KMT2E: variants seen among roughly 807,000 people sequenced by gnomAD.
KMT2E encodes histone reader KMT2E.
In KMT2E, 30 loss-of-function variants were observed where a neutral mutation model predicts 184.6. The ratio of observed to expected loss-of-function variants is 0.16; its 90% confidence interval spans 0.12 to 0.22. The LOEUF is 0.22. KMT2E is among the 10% of genes least tolerant of loss of function. The pLI is 1.00. For missense variants in KMT2E, 2,023 were observed against 2,237.4 expected, an observed-to-expected ratio of 0.90 and a Z score of 1.93; for synonymous variants, 815 against 776.5, an observed-to-expected ratio of 1.05 and a Z score of -0.82.
chr7:105,034,033 G>A (rs1210898761), intron 1 of KMT2E, among the ~76,000 whole-genome samples: 1 of 152,158 alleles, frequency 6.6e-6, no homozygotes, highest in Non-Finnish European at 1.5e-5. Context: ...CACCCACAGA[G>A]TCGGGGCCCT....
intron 12 of KMT2E, among the ~76,000 whole-genome samples, chr7:105,081,147 C>T (rs1171458514): frequency 3.3e-5 from 5 of 152,108 alleles, no homozygotes; most frequent in Admixed American, 6.6e-5. Flanking sequence ...TTGGGGAGGC[C>T]GAGGCCGGCA....
intron 9 of KMT2E, 79 bp downstream of exon 9, chr7:105,076,160 CTTAA>C: frequency 1.0e-6 from 1 of 974,778 alleles, no homozygotes. Context: ...CATATCTTTA[CTTAA>C]TGCTCTGTTT....
intron 1 of KMT2E, among the ~76,000 whole-genome samples, chr7:105,018,284 T>C (rs945519700): frequency 6.6e-6 from 1 of 152,164 alleles, no homozygotes; most frequent in African/African-American, 2.4e-5. Context: ...AACAGAACTT[T>C]GAAGAGCTAT....
intron 5 of KMT2E, 138 bp from the exon 6 acceptor site, chr7:105,066,589 A>T (rs968903580): frequency 1.4e-5 from 8 of 584,348 alleles, no homozygotes; most frequent in Admixed American, 2.9e-5. Flanking sequence ...ACACGTTTCT[A>T]TGAATTTCTC....
At chr7:105,054,745 C>A (rs916465405) in intron 3 of KMT2E, among the ~76,000 whole-genome samples, 3 of 152,138 alleles carry the variant, frequency 2.0e-5, no homozygotes, top group Non-Finnish European at 1.5e-5. Context: ...GAACTCCTGA[C>A]CTCAGGTGAT....
At chr7:105,030,449 A>G (rs1795362278) in intron 1 of KMT2E, among the ~76,000 whole-genome samples, 1 of 152,250 alleles carries the variant, frequency 6.6e-6, no homozygotes, top group African/African-American at 2.4e-5. Context: ...TTGCATAATC[A>G]AAGGAGTTAT....
intron 1 of KMT2E, among the ~76,000 whole-genome samples, chr7:105,035,778 C>T (rs561388433): frequency 2.6e-5 from 4 of 151,824 alleles, no homozygotes; most frequent in East Asian, 2.0e-4. Context: ...AGGCTGGTCT[C>T]GAACTTCTGA....
chr7:105,060,545 A>C (rs1264688664), intron 3 of KMT2E, among the ~76,000 whole-genome samples: 1 of 150,814 alleles, frequency 6.6e-6, no homozygotes, highest in African/African-American at 2.4e-5. Context: ...TCCCACCTCA[A>C]CCTCCCAAGT....
At chr7:105,111,631 G>A (rs1472782069) in intron 26 of KMT2E, among the ~76,000 whole-genome samples, 194 bp from the exon 27 acceptor site, 6 of 152,006 alleles carry the variant, frequency 3.9e-5, no homozygotes, top group Admixed American at 1.3e-4. Flanking sequence ...TTAAGCTCAC[G>A]CTCATAACTT....
chr7:105,067,066 T>TTTA (rs1554391132), intron 6 of KMT2E, among the ~76,000 whole-genome samples: 1 of 115,470 alleles, frequency 8.7e-6, no homozygotes, highest in Non-Finnish European at 1.7e-5. Flanking sequence ...CTTTTTTTTT[T>TTTA]AAAAAAAAAA....
At position 105,112,904 on chromosome 7, in the gene KMT2E, A is replaced by G. The variant is rs773697012; in HGVS notation, c.5148A>G (p.Pro1716=). Residue 1716 remains proline (P), a synonymous_variant, in exon 27 of 27, where the codon CCA becomes CCG. Coordinates refer to ENST00000311117, the MANE Select transcript of KMT2E (RefSeq NM_182931.3). The stretch of plus-strand genomic sequence containing the variant: ...AGCATGTTGTAAATTCAGCACCCCC[A>G]CCACCCCCTCCGCCGCCACCTTCCA... The part of the protein sequence containing the change: ...QHQHVVNSAP[P]PPPPPPPSSV... The G allele has an allele frequency of 1.3e-6, 2 of 1,594,984 alleles. No individual in the cohort carries two copies. Among genetic ancestry groups the G allele is most frequent in the African/African-American group, 1.4e-5 (1 of 71,942 alleles).
chr7:105,028,987 G>A (rs905926042), intron 1 of KMT2E, among the ~76,000 whole-genome samples: 3 of 152,032 alleles, frequency 2.0e-5, no homozygotes, highest in African/African-American at 7.2e-5. Context: ...CTCTAAGGCC[G>A]GGCACGGTGG....
intron 13 of KMT2E, among the ~76,000 whole-genome samples, chr7:105,086,833 A>T (rs1325955055): frequency 6.8e-6 from 1 of 147,296 alleles, no homozygotes; most frequent in South Asian, 2.1e-4. Context: ...ACCACTCCAC[A>T]TGAGCTAGCA....
chr7:105,075,940 G>T, intron 8 of KMT2E, 103 bp from the exon 9 acceptor site: 1 of 847,942 alleles, frequency 1.2e-6, no homozygotes, highest in Non-Finnish European at 1.9e-6. Context: ...CAAATTTTTT[G>T]TTATGACACT....
intron 8 of KMT2E, 94 bp from the exon 9 acceptor site, chr7:105,075,949 C>T (rs1261372736): frequency 1.0e-6 from 1 of 956,878 alleles, no homozygotes; most frequent in Non-Finnish European, 1.6e-6. Context: ...TGTTATGACA[C>T]TTCAGTTAAA....
intron 25 of KMT2E, 55 bp from the exon 26 acceptor site, chr7:105,110,714 TAA>T (rs1034156297): frequency 2.1e-4 from 331 of 1,580,796 alleles, no homozygotes; most frequent in Non-Finnish European, 1.8e-4. Flanking sequence ...TTTGTGGTGT[TAA>T]AACAGTGTTT....
At chr7:105,059,746 A>G (rs2129566924) in intron 3 of KMT2E, among the ~76,000 whole-genome samples, 1 of 152,252 alleles carries the variant, frequency 6.6e-6, no homozygotes, top group Admixed American at 6.5e-5. Context: ...AAAATTGTGT[A>G]GATATAATGA....
intron 1 of KMT2E, among the ~76,000 whole-genome samples, chr7:105,030,359 G>T (rs780992676): frequency 5.9e-5 from 9 of 152,282 alleles, no homozygotes; most frequent in Non-Finnish European, 1.0e-4. Context: ...GATTTTTATT[G>T]GGTGGGAAAG....
chr7:105,020,989 G>T lies in KMT2E; in HGVS notation c.-189+6454G>T, dbSNP rs573547386. Among the ~76,000 whole-genome samples, 56 of 152,244 alleles carry T rather than the reference G, an allele frequency of 3.7e-4. 1 individual carries two copies. The highest frequency in any genetic ancestry group is 1.9e-3 in the South Asian group (9 of 4,822). On this transcript the variant is annotated intron_variant, in intron 1 of 26. Coordinates refer to ENST00000311117, the MANE Select transcript of KMT2E (RefSeq NM_182931.3). ...ATTTCAGAGACTAATATATGTAATC[G>T]TTTCTATTTTTGAGTTTACAGAGAG...
Sources: allele counts gnomAD v4.1 joint callset (sites outside exome capture counted in the v4.1 genomes callset), GRCh38; gene constraint gnomAD v4.1.1; transcripts MANE v1.5; gene names NCBI Gene and HGNC (gene_info 2026-07-23, HGNC 2026-07-21).